Variants in MAGT1 observed in about 807,000 individuals in gnomAD.
MAGT1 encodes the protein dolichyl-diphosphooligosaccharide--protein glycosyltransferase subunit MAGT1.
A neutral mutation model predicts 28.4 loss-of-function variants in MAGT1; 4 were observed. The observed-to-expected ratio is 0.14, with a 90% CI of 0.07 to 0.32. MAGT1 has a LOEUF of 0.32. Ranked by LOEUF, MAGT1 falls within the 10% of genes least tolerant of loss-of-function variation. MAGT1 has a pLI of 1.00. For missense variants in MAGT1, 193 were observed against 264.5 expected, an observed-to-expected ratio of 0.73 and a Z score of 1.88; for synonymous variants, 89 against 89.7, an observed-to-expected ratio of 0.99 and a Z score of 0.04.
intron 6 of MAGT1, 128 bp downstream of exon 6, chrX:77,855,373 T>C (rs2076978993): frequency 2.0e-6 from 1 of 501,720 alleles, no homozygotes; most frequent in Non-Finnish European, 3.5e-6. Flanking sequence ...GGAAGCTTGT[T>C]AACACAAGAG....
At chrX:77,836,473 C>T (rs1287334429) in intron 8 of MAGT1, among the ~76,000 whole-genome samples, 1 of 111,572 alleles carries the variant, frequency 9.0e-6, no homozygotes, top group Non-Finnish European at 1.9e-5. Context: ...CATTGCATGC[C>T]TATATATCAA....
intron 8 of MAGT1, among the ~76,000 whole-genome samples, chrX:77,838,111 T>C (rs1290456637): frequency 8.9e-6 from 1 of 111,934 alleles, no homozygotes; most frequent in Non-Finnish European, 1.9e-5. Flanking sequence ...ATTACATTGT[T>C]AGATTCTCTC....
chrX:77,852,254 CCCA>C (rs2076970609), intron 7 of MAGT1, among the ~76,000 whole-genome samples: 1 of 112,433 alleles, frequency 8.9e-6, no homozygotes, highest in Admixed American at 9.5e-5. Context: ...AATCTTTCAG[CCCA>C]CCATTTCATG....
chrX:77,839,172 C>T (rs1000211348), intron 8 of MAGT1, among the ~76,000 whole-genome samples: 6 of 105,501 alleles, frequency 5.7e-5, no homozygotes, highest in Non-Finnish European at 9.7e-5. Flanking sequence ...GGCATGGTGG[C>T]GGGTGCCTGT....
chrX:77,839,051 C>T, intron 8 of MAGT1, among the ~76,000 whole-genome samples: 1 of 109,693 alleles, frequency 9.1e-6, no homozygotes, highest in Non-Finnish European at 1.9e-5. Context: ...TGTCTGTAAC[C>T]CCAGCACTTT....
intron 3 of MAGT1, among the ~76,000 whole-genome samples, chrX:77,859,484 T>A (rs957318385): frequency 8.9e-6 from 1 of 112,272 alleles, no homozygotes; most frequent in Non-Finnish European, 1.9e-5. Flanking sequence ...GCAGTGAACA[T>A]CCTTGCACAT....
At chrX:77,861,601 C>T (rs782647166) in intron 3 of MAGT1, among the ~76,000 whole-genome samples, 2 of 112,382 alleles carry the variant, frequency 1.8e-5, no homozygotes, top group South Asian at 3.6e-4. Context: ...TTTGAACACT[C>T]GTGTTCATAG....
At chrX:77,846,596 T>C (rs1174127114) in intron 7 of MAGT1, among the ~76,000 whole-genome samples, 1 of 112,171 alleles carries the variant, frequency 8.9e-6, no homozygotes, top group African/African-American at 3.2e-5. Context: ...GATGGTGACA[T>C]ACAGATGAGG....
intron 8 of MAGT1, among the ~76,000 whole-genome samples, chrX:77,834,235 TATATATATGC>T (rs1421205602): frequency 4.8e-5 from 4 of 83,491 alleles, no homozygotes; most frequent in Admixed American, 1.5e-4. Context: ...TGCATATATG[TATATATATGC>T]ATATATATAC....
chrX:77,889,140 ATTTTTTTT>A (rs782124850), intron 1 of MAGT1, among the ~76,000 whole-genome samples: 1 of 68,302 alleles, frequency 1.5e-5, no homozygotes, highest in Non-Finnish European at 2.8e-5. Flanking sequence ...ATGCTCTGCT[ATTTTTTTT>A]TTTTTTTTTT....
At chrX:77,881,318 C>T (rs1557218420) in intron 1 of MAGT1, among the ~76,000 whole-genome samples, 1 of 109,668 alleles carries the variant, frequency 9.1e-6, no homozygotes, top group Non-Finnish European at 1.9e-5. Context: ...GCACAATGTG[C>T]AGGTTTGTTA....
chrX:77,890,354 G>C lies in MAGT1; in HGVS notation c.102+4955C>G, dbSNP rs1269123636. Among the ~76,000 whole-genome samples, 3 of 112,180 alleles carry C rather than the reference G, an allele frequency of 2.7e-5. No homozygotes were observed. In the Admixed American group the frequency reaches 2.9e-4, roughly 11 times the overall value. On this transcript the variant is annotated intron_variant, in intron 1 of 9. Coordinates refer to ENST00000618282, the MANE Select transcript of MAGT1 (RefSeq NM_001367916.1). ...TAACGGGCAGATAATTACTGAAGAA[G>C]ACAGTGAACAGAGAAGTGAGCATTT...
chrX:77,842,205 C>T lies in MAGT1; in HGVS notation c.827-885G>A, dbSNP rs146499417. On this transcript the variant is annotated intron_variant, in intron 7 of 9. Transcript: ENST00000618282. Reference sequence around the variant, plus strand: ...TCTGGGAGTTCAAAACCAGCCTGGGCAACATGGTGAGACCCTGTTTCTACC... The same window carrying T: ...TCTGGGAGTTCAAAACCAGCCTGGGTAACATGGTGAGACCCTGTTTCTACC... 4.5e-4 allele frequency among the ~76,000 whole-genome samples: 49 copies of T among 109,940 alleles called. No homozygotes were observed. The East Asian group carries it at 0.014, about 31-fold the overall frequency.
intron 3 of MAGT1, among the ~76,000 whole-genome samples, chrX:77,865,609 G>A (rs1188263117): frequency 2.7e-5 from 3 of 110,983 alleles, no homozygotes; most frequent in African/African-American, 6.5e-5. Context: ...TATATTCTAA[G>A]GGAGACTGTC....
At chrX:77,882,128 G>T (rs2077054481) in intron 1 of MAGT1, among the ~76,000 whole-genome samples, 2 of 111,942 alleles carry the variant, frequency 1.8e-5, no homozygotes, top group African/African-American at 6.5e-5. Context: ...CAATAAATTA[G>T]GTATAGATGG....
At chrX:77,862,600 T>C (rs376053158) in intron 3 of MAGT1, among the ~76,000 whole-genome samples, 6 of 111,500 alleles carry the variant, frequency 5.4e-5, no homozygotes, top group African/African-American at 1.3e-4. Flanking sequence ...AGGACATGAA[T>C]AGACATTTCT....
In MAGT1 at chrX:77,845,972, A is replaced by G. The variant is rs992092226; in HGVS notation, c.827-4652T>C. Reference sequence around the variant, plus strand: ...CGTTCTCTGTATCTCCTGAATTTGAATGTTCGCCTGCCTTGCTAGATTGGG... The same window carrying G: ...CGTTCTCTGTATCTCCTGAATTTGAGTGTTCGCCTGCCTTGCTAGATTGGG... On this transcript the variant is annotated intron_variant, in intron 7 of 9. Transcript: ENST00000618282. 2.7e-5 allele frequency among the ~76,000 whole-genome samples: 3 copies of G among 109,870 alleles called. No homozygotes were observed. In the Admixed American group the frequency reaches 2.9e-4, roughly 11 times the overall value.
chrX:77,840,126 G>C (rs782355188), intron 8 of MAGT1, among the ~76,000 whole-genome samples: 1 of 108,803 alleles, frequency 9.2e-6, no homozygotes, highest in Non-Finnish European at 1.9e-5. Context: ...ATGGCTGGGC[G>C]TGGTGGCTCA....
Position 77,827,708 on chromosome X carries a change from G to A in MAGT1, c.*1512C>T, listed in dbSNP as rs1258264020. The A allele has an allele frequency of 1.8e-5, 2 of 110,339 alleles. No homozygotes were observed. Among genetic ancestry groups the A allele is most frequent in the Non-Finnish European group, 1.9e-5 (1 of 52,915 alleles). 9.1% of individuals were successfully genotyped at this position (110,339 alleles called of 1,213,427 possible). A position where few individuals can be genotyped will look rare whatever the true frequency, so the allele number is the denominator to read the frequency against. On this transcript the variant is annotated 3_prime_UTR_variant, in exon 10 of 10. Coordinates refer to ENST00000618282, the MANE Select transcript of MAGT1 (RefSeq NM_001367916.1). ...GCCTGCCTTGGCCTCCCAAAGTGCT[G>A]AGATTACAGGCGTAAGTCACTGCGC...
Sources: allele counts gnomAD v4.1 joint callset (sites outside exome capture counted in the v4.1 genomes callset), GRCh38; gene constraint gnomAD v4.1.1; transcripts MANE v1.5; gene names NCBI Gene and HGNC (gene_info 2026-07-23, HGNC 2026-07-21).